Variants in AGMO observed in about 807,000 individuals in gnomAD.
AGMO encodes the protein glyceryl-ether monooxygenase.
In AGMO, 75 loss-of-function variants were observed where a neutral mutation model predicts 60.2. That is an observed-to-expected ratio of 1.25 (90% CI 1.03 to 1.51). The LOEUF (loss-of-function observed/expected upper bound fraction) is 1.51, where lower values mean the gene tolerates loss of function less well. AGMO is among the 40% of genes most tolerant of loss of function. AGMO has a pLI of 0.00. For synonymous variants in AGMO, 261 were observed against 177.1 expected, an observed-to-expected ratio of 1.47 and a Z score of -3.76; for missense variants, 763 against 525.5, an observed-to-expected ratio of 1.45 and a Z score of -4.42.
intron 12 of AGMO, among the ~76,000 whole-genome samples, chr7:15,308,667 T>C (rs1207544695): frequency 1.3e-5 from 2 of 152,156 alleles, no homozygotes; most frequent in Admixed American, 6.6e-5. Flanking sequence ...ACTTAAAACT[T>C]TTCTGTAACC....
intron 3 of AGMO, among the ~76,000 whole-genome samples, chr7:15,448,095 T>G (rs895154476): frequency 1.3e-5 from 2 of 152,170 alleles, no homozygotes; most frequent in Non-Finnish European, 2.9e-5. Flanking sequence ...AACTCTGTGC[T>G]TTAAGCAACA....
chr7:15,506,809 C>T (rs1783522893), intron 3 of AGMO, among the ~76,000 whole-genome samples: 1 of 151,756 alleles, frequency 6.6e-6, no homozygotes, highest in African/African-American at 2.4e-5. Context: ...CACACAGACA[C>T]ACAGAGAGAG....
At chr7:15,313,585 TG>T (rs1437165636) in intron 12 of AGMO, among the ~76,000 whole-genome samples, 1 of 152,058 alleles carries the variant, frequency 6.6e-6, no homozygotes, top group African/African-American at 2.4e-5. Flanking sequence ...GTAAAGAAAT[TG>T]CTTCATGAAC....
At chr7:15,123,460 GA>G in the AGMO span, among the ~76,000 whole-genome samples, 8 of 149,080 alleles carry the variant, frequency 5.4e-5, no homozygotes, top group East Asian at 5.9e-4. Context: ...ATTTGCGAAT[GA>G]AAAAAAAATG....
At chr7:15,508,637 T>A (rs1783587118) in intron 3 of AGMO, among the ~76,000 whole-genome samples, 1 of 151,710 alleles carries the variant, frequency 6.6e-6, no homozygotes, top group Non-Finnish European at 1.5e-5. Context: ...AGTTCACCAA[T>A]AAGAATGCTC....
chr7:15,286,820 A>G (rs886829464), intron 12 of AGMO, among the ~76,000 whole-genome samples: 1 of 152,200 alleles, frequency 6.6e-6, no homozygotes, highest in East Asian at 1.9e-4. Context: ...TATGGAACCA[A>G]TCTAAGTACC....
rs1040136081 is a variant in AGMO, at chr7:15,520,340, A to G, written c.409+24432T>C. 4.6e-5 allele frequency among the ~76,000 whole-genome samples: 7 copies of G among 152,214 alleles called. 1 individual carries two copies. Among genetic ancestry groups the G allele is most frequent in the African/African-American group, 7.2e-5 (3 of 41,460 alleles). Reference sequence around the variant, plus strand: ...CAGGTTGTGAACTCAGCTCTGCATCAAGCAGACCTAATAGACATCTACAGA... The same window carrying G: ...CAGGTTGTGAACTCAGCTCTGCATCGAGCAGACCTAATAGACATCTACAGA... On this transcript the variant is annotated intron_variant, in intron 3 of 12. Coordinates refer to ENST00000342526, the MANE Select transcript of AGMO (RefSeq NM_001004320.2).
chr7:15,439,330 A>G (rs4557593), intron 3 of AGMO, among the ~76,000 whole-genome samples: 114,100 of 152,052 alleles, frequency 0.75, 43,608 homozygotes, highest in African/African-American at 0.83. Context: ...TCAGGAGGCA[A>G]AAATTGCAGT....
chr7:15,248,674 T>C (rs1025504273), intron 12 of AGMO, among the ~76,000 whole-genome samples: 13 of 152,156 alleles, frequency 8.5e-5, no homozygotes, highest in Non-Finnish European at 8.8e-5. Context: ...AAGACACATA[T>C]TGTCCCATGG....
At chr7:15,322,975 A>ATTT (rs1216815415) in intron 12 of AGMO, among the ~76,000 whole-genome samples, 5 of 43,758 alleles carry the variant, frequency 1.1e-4, no homozygotes, top group East Asian at 6.5e-4. Flanking sequence ...GTGTATATAT[A>ATTT]TATGTATTTA....
intron 12 of AGMO, among the ~76,000 whole-genome samples, chr7:15,335,087 C>A (rs1200560520): frequency 6.6e-6 from 1 of 152,130 alleles, no homozygotes; most frequent in Non-Finnish European, 1.5e-5. Flanking sequence ...GTATTCATCT[C>A]TAATTGCTTA....
intron 3 of AGMO, among the ~76,000 whole-genome samples, chr7:15,457,962 ATT>A (rs1782042015): frequency 6.6e-6 from 1 of 152,192 alleles, no homozygotes; most frequent in African/African-American, 2.4e-5. Flanking sequence ...ATGGGGGTAA[ATT>A]TGCATAAAAA....
chr7:15,450,809 A>T (rs1781837313), intron 3 of AGMO, among the ~76,000 whole-genome samples: 1 of 152,158 alleles, frequency 6.6e-6, no homozygotes, highest in Non-Finnish European at 1.5e-5. Context: ...ACTCTCCTTT[A>T]ATAAAACCAA....
chr7:15,263,647 C>A (rs1371171881), intron 12 of AGMO, among the ~76,000 whole-genome samples: 1 of 151,970 alleles, frequency 6.6e-6, no homozygotes, highest in African/African-American at 2.4e-5. Flanking sequence ...CAATTTGCAA[C>A]TGCAAAAATA....
intron 12 of AGMO, among the ~76,000 whole-genome samples, chr7:15,221,385 A>C (rs1363684656): frequency 6.6e-6 from 1 of 152,118 alleles, no homozygotes; most frequent in Non-Finnish European, 1.5e-5. Flanking sequence ...AACTTTACCT[A>C]CATCATAATC....
intron 12 of AGMO, among the ~76,000 whole-genome samples, chr7:15,322,880 CTCTT>C (rs1272923064): frequency 2.8e-5 from 4 of 145,132 alleles, no homozygotes; most frequent in South Asian, 2.1e-4. Flanking sequence ...ATTATCAAAA[CTCTT>C]TCTTGATACA....
At chr7:15,373,789 T>G (rs919143704) in intron 10 of AGMO, among the ~76,000 whole-genome samples, 2 of 152,212 alleles carry the variant, frequency 1.3e-5, no homozygotes, top group African/African-American at 2.4e-5. Flanking sequence ...TGAAAATCTC[T>G]AGATTTTCTT....
chr7:15,492,608 T>TTATTAA (rs72486558), intron 3 of AGMO, among the ~76,000 whole-genome samples: 1 of 33,072 alleles, frequency 3.0e-5, no homozygotes, highest in Non-Finnish European at 1.1e-4. Flanking sequence ...GAGGAGGTTT[T>TTATTAA]TATTATTATT....
chr7:15,553,569 T>C (rs1040317351), intron 2 of AGMO, among the ~76,000 whole-genome samples: 3 of 151,948 alleles, frequency 2.0e-5, no homozygotes, highest in Admixed American at 1.3e-4. Context: ...ACCAGCCTTA[T>C]AAATATTCCC....
Sources: allele counts gnomAD v4.1 joint callset (sites outside exome capture counted in the v4.1 genomes callset), GRCh38; gene constraint gnomAD v4.1.1; transcripts MANE v1.5; gene names NCBI Gene and HGNC (gene_info 2026-07-23, HGNC 2026-07-21).